COG7: variants seen among roughly 807,000 people sequenced by gnomAD.
COG7 encodes the protein conserved oligomeric Golgi complex subunit 7.
In COG7, 49 loss-of-function variants were observed where a neutral mutation model predicts 91.5. The ratio of observed to expected loss-of-function variants is 0.54; its 90% CI spans 0.43 to 0.68. COG7 has a LOEUF of 0.68. Among genes scored for constraint, COG7 ranks in the 30% least tolerant of loss-of-function variants. The probability of loss-of-function intolerance (pLI) is 0.00; values close to 1 mark genes in which losing one functional copy is unlikely to be tolerated. For missense variants in COG7, 895 were observed against 961.3 expected (o/e 0.93, Z 0.91); for synonymous variants, 365 against 388.7 (o/e 0.94, Z 0.72).
intron 5 of COG7, among the ~76,000 whole-genome samples, chr16:23,434,000 C>T (rs907888005): frequency 3.9e-5 from 6 of 152,172 alleles, no homozygotes; most frequent in Non-Finnish European, 7.3e-5. Flanking sequence ...TATGTTTAAG[C>T]TTCATGTCCT....
chr16:23,409,101 G>GTGCGCGCGTGCA (rs1228504313), intron 11 of COG7, among the ~76,000 whole-genome samples: 23 of 151,364 alleles, frequency 1.5e-4, no homozygotes, highest in East Asian at 7.7e-4. Flanking sequence ...GTGCATGTGT[G>GTGCGCGCGTGCA]TGTGTGTGTG....
chr16:23,443,326 G>A (rs1261093298), intron 3 of COG7, among the ~76,000 whole-genome samples: 1 of 152,052 alleles, frequency 6.6e-6, no homozygotes. Flanking sequence ...CAGGAGGATT[G>A]CATGAGGCCA....
chr16:23,427,368 G>A (rs947208292), intron 6 of COG7, among the ~76,000 whole-genome samples: 5 of 151,916 alleles, frequency 3.3e-5, no homozygotes, highest in South Asian at 2.1e-4. Context: ...CCAGCTACTC[G>A]GGAGGCTGAG....
intron 14 of COG7, among the ~76,000 whole-genome samples, chr16:23,394,444 G>A (rs1413834313): frequency 6.6e-6 from 1 of 151,970 alleles, no homozygotes; most frequent in East Asian, 1.9e-4. Context: ...TTCAAAATAA[G>A]GGGGTTGACT....
At chr16:23,394,112 G>C (rs576051899) in intron 14 of COG7, among the ~76,000 whole-genome samples, 9 of 148,206 alleles carry the variant, frequency 6.1e-5, no homozygotes, top group Admixed American at 2.7e-4. Flanking sequence ...CTCCCTCCTA[G>C]ATAATTTAAC....
Position 23,393,272 on chromosome 16 carries a change from C to T in COG7, c.1963G>A (p.Ala655Thr). ...AATGGCAGCTTTCCAGCGTGCAATG[C>T]CAACTCTAAGGCAGAGTCCTCCTGA... is the stretch of plus-strand genomic sequence containing the variant. Reference protein sequence around the residue: ...VTQEDSALELALHAGKLPFPP... With the variant: ...VTQEDSALELTLHAGKLPFPP... The change falls in exon 15 of 17, where the codon GCA becomes ACA. Residue 655 changes from alanine (A) to threonine (T), a missense_variant. By Grantham distance (58) the Ala-to-Thr change is moderately conservative (BLOSUM62 0). Transcript: ENST00000307149. The T allele has an allele frequency of 6.2e-7, 1 of 1,614,116 alleles. No homozygotes were observed. The highest frequency in any genetic ancestry group is 8.5e-7 in the Non-Finnish European group (1 of 1,180,020).
intron 7 of COG7, 132 bp from the exon 8 acceptor site, chr16:23,418,959 G>A (rs1963704556): frequency 3.8e-6 from 3 of 788,218 alleles, no homozygotes; most frequent in Admixed American, 2.1e-5. Flanking sequence ...ATTTTGTTAA[G>A]CAGCTTTTAT....
chr16:23,416,689 C>CTTT, intron 9 of COG7: 1 of 478,636 alleles, frequency 2.1e-6, no homozygotes, highest in Non-Finnish European at 3.8e-6. Flanking sequence ...TCTAAGGTTT[C>CTTT]TTTTTTTTTC....
chr16:23,450,773 G>A (rs79303541), intron 1 of COG7, among the ~76,000 whole-genome samples: 3,402 of 152,144 alleles, frequency 0.022, 81 homozygotes, highest in Admixed American at 0.068. Context: ...TGAAGCTGCA[G>A]TGAGCACTGA....
intron 6 of COG7, 79 bp from the exon 7 acceptor site, chr16:23,425,026 G>A (rs1963823264): frequency 8.0e-7 from 1 of 1,255,694 alleles, no homozygotes; most frequent in Non-Finnish European, 1.1e-6. Context: ...ACTTTTTTGA[G>A]ATGCCAGGCA....
Position 23,439,619 on chromosome 16 carries a change from C to A in COG7, c.604+2858G>T, listed in dbSNP as rs574158557. On this transcript the variant is annotated intron_variant, in intron 4 of 16. Transcript: ENST00000307149. Reference sequence around the variant, plus strand: ...ATAAAAGGAAAAATACTATGTGAATCCATTTATAGGAGGCATGTAGAGTAG... The same window carrying A: ...ATAAAAGGAAAAATACTATGTGAATACATTTATAGGAGGCATGTAGAGTAG... 2.0e-5 allele frequency among the ~76,000 whole-genome samples: 3 copies of A among 152,194 alleles called. No individual in the cohort carries two copies. The South Asian group carries it at 6.2e-4, about 32-fold the overall frequency.
At chr16:23,445,535 C>G (rs1338551561) in intron 2 of COG7, among the ~76,000 whole-genome samples, 1 of 152,092 alleles carries the variant, frequency 6.6e-6, no homozygotes, top group African/African-American at 2.4e-5. Flanking sequence ...CGTCTGTGAT[C>G]CCAGCTACTC....
At chr16:23,413,603 C>G (rs913483669) in intron 9 of COG7, 39 bp from the exon 10 acceptor site, 1 of 1,053,892 alleles carries the variant, frequency 9.5e-7, no homozygotes, top group Non-Finnish European at 1.5e-6. Flanking sequence ...GAGGTCACCA[C>G]TGATTCCCCA....
intron 7 of COG7, 30 bp downstream of exon 7, chr16:23,424,719 G>A: frequency 6.2e-7 from 1 of 1,609,920 alleles, no homozygotes; most frequent in Non-Finnish European, 8.5e-7. Flanking sequence ...GTAAAGACAA[G>A]CTAGAGAACT....
intron 13 of COG7, 86 bp downstream of exon 13, chr16:23,403,608 G>T: frequency 3.2e-6 from 5 of 1,547,058 alleles, no homozygotes; most frequent in Non-Finnish European, 4.5e-6. Flanking sequence ...AAAGCTCTTG[G>T]AACAGGGAGG....
chr16:23,421,542 G>A (rs942851857), intron 7 of COG7, among the ~76,000 whole-genome samples: 2 of 151,648 alleles, frequency 1.3e-5, no homozygotes, highest in Non-Finnish European at 2.9e-5. Flanking sequence ...CAATTCAAAA[G>A]AGAAAAGATA....
chr16:23,445,360 T>C (rs1964164489), intron 2 of COG7, among the ~76,000 whole-genome samples, 196 bp from the exon 3 acceptor site: 1 of 152,002 alleles, frequency 6.6e-6, no homozygotes, highest in Admixed American at 6.6e-5. Context: ...AGCAAAAGCA[T>C]AGTTTCGGGG....
chr16:23,440,818 T>G (rs1964089159), intron 4 of COG7, among the ~76,000 whole-genome samples: 1 of 152,110 alleles, frequency 6.6e-6, no homozygotes, highest in Admixed American at 6.6e-5. Flanking sequence ...GTTTGAGGAC[T>G]GCAAACCAGA....
chr16:23,447,181 A>C (rs1453610647), intron 1 of COG7: 1 of 151,940 alleles, frequency 6.6e-6, no homozygotes, highest in African/African-American at 2.4e-5. Context: ...TAAAAATCTT[A>C]CAATGCCTTA....
Sources: gnomAD v4.1 joint callset for allele counts (sites outside exome capture counted in the v4.1 genomes callset) on GRCh38, gnomAD v4.1.1 for gene constraint, MANE v1.5 for transcripts, NCBI Gene and HGNC (gene_info 2026-07-23, HGNC 2026-07-21) for gene names.